The following ADAM28 variants were observed in gnomAD, a reference collection of about 807,000 sequenced individuals.
ADAM28 encodes disintegrin and metalloproteinase domain-containing protein 28.
In ADAM28, 105 loss-of-function variants were observed where a neutral mutation model predicts 101.2. That is an observed-to-expected ratio of 1.04 (90% CI 0.89 to 1.22). ADAM28 has a LOEUF of 1.22. Among genes scored for constraint, ADAM28 ranks in the 50% most tolerant of loss-of-function variants. The pLI, the probability that ADAM28 is intolerant of heterozygous loss-of-function variation, is 0.00. For missense variants in ADAM28, 1,028 were observed against 945.4 expected (o/e 1.09, Z -1.15); for synonymous variants, 322 against 310.6 (o/e 1.04, Z -0.39).
At chr8:24,351,205 T>C (rs1218364491) in intron 19 of ADAM28, 27 bp from the exon 20 acceptor site, 2 of 1,505,874 alleles carry the variant, frequency 1.3e-6, no homozygotes, top group Non-Finnish European at 8.9e-7. Flanking sequence ...GCTAAGTCAA[T>C]TGATATCATG....
chr8:24,347,623 C>A (rs1815561508), intron 18 of ADAM28, among the ~76,000 whole-genome samples: 1 of 152,030 alleles, frequency 6.6e-6, no homozygotes, highest in South Asian at 2.1e-4. Flanking sequence ...TGTTAAAATA[C>A]CCCCCACTGT....
At chr8:24,348,770 T>C (rs1371842285) in intron 18 of ADAM28, among the ~76,000 whole-genome samples, 2 of 152,192 alleles carry the variant, frequency 1.3e-5, no homozygotes, top group African/African-American at 4.8e-5. Flanking sequence ...CCATCTGTCC[T>C]GTGCCCCAAT....
rs1408842106 is a variant in ADAM28 at position 24,354,889 on chromosome 8, A to G, written c.*485A>G. ...TCTCTTTCCTAGATTAGCTTCTGAAATCATTATTAGCTATATCATTTGAGG... is the reference window on the plus strand; with the variant it reads ...TCTCTTTCCTAGATTAGCTTCTGAAGTCATTATTAGCTATATCATTTGAGG... On this transcript the variant is annotated 3_prime_UTR_variant, in exon 23 of 23. Coordinates refer to ENST00000265769, the MANE Select transcript of ADAM28 (RefSeq NM_014265.6). 1 of 152,918 alleles carries G rather than the reference A, an allele frequency of 6.5e-6. No homozygotes were observed. The highest frequency in any genetic ancestry group is 1.9e-4 in the East Asian group (1 of 5,214). 9.5% of individuals were successfully genotyped at this position (152,918 alleles called of 1,614,324 possible). A position where few individuals can be genotyped will look rare whatever the true frequency, so the allele number is the denominator to read the frequency against.
chr8:24,350,145 C>A (rs1190944959), intron 19 of ADAM28, among the ~76,000 whole-genome samples, 173 bp downstream of exon 19: 1 of 152,130 alleles, frequency 6.6e-6, no homozygotes, highest in Non-Finnish European at 1.5e-5. Context: ...ACTGAGAAAT[C>A]CTTCACATCT....
chr8:24,353,772 TAAAGACACAAA>T lies in ADAM28; in HGVS notation c.2248_2258del (p.Lys750ArgfsTer10). Reference sequence around the variant, plus strand: ...CATTGTTTTTATAATTAACGTAGCATAAAGACACAAACGCACTTCCCCCTACTGTTTTCAAG... The same window carrying T: ...CATTGTTTTTATAATTAACGTAGCATCGCACTTCCCCCTACTGTTTTCAAG... On this transcript the variant is annotated frameshift_variant, in exon 22 of 23. Coordinates refer to ENST00000265769, the MANE Select transcript of ADAM28 (RefSeq NM_014265.6). LOFTEE classifies it high-confidence loss of function. The T allele has an allele frequency of 6.7e-7, 1 of 1,502,414 alleles. No individual in the cohort carries two copies. Among genetic ancestry groups the T allele is most frequent in the Non-Finnish European group, 9.3e-7 (1 of 1,079,094 alleles). The allele number at this position is 1,502,414 out of a possible 1,614,324, so 93.1% of individuals were successfully genotyped here.
chr8:24,341,054 TC>T (rs1404912697), intron 15 of ADAM28: 1 of 152,314 alleles, frequency 6.6e-6, no homozygotes, highest in Non-Finnish European at 1.5e-5. Context: ...ACTTGGGCTT[TC>T]TTTTGGTGGA....
In ADAM28 at chr8:24,324,007, T is replaced by G. The variant is rs375052502; in HGVS notation, c.890+4T>G. 55 of 1,610,972 alleles carry G rather than the reference T, an allele frequency of 3.4e-5. No homozygotes were observed. The African/African-American group carries it at 6.0e-4, about 18-fold the overall frequency. On this transcript the variant is annotated splice_donor_region_variant and intron_variant, in intron 9 of 22. Coordinates refer to ENST00000265769, the MANE Select transcript of ADAM28 (RefSeq NM_014265.6). ...ATGATATTGCTCAGTTAATCACGTA[T>G]GTACAGATTTTCTCCCATTGCACAC...
In ADAM28 at chr8:24,294,210, C is replaced by T. The variant is rs1342959553; in HGVS notation, c.46+15C>T. 1 of 1,613,932 alleles carries T rather than the reference C, an allele frequency of 6.2e-7. No homozygotes were observed. Among genetic ancestry groups the T allele is most frequent in the Admixed American group, 1.7e-5 (1 of 60,004 alleles). ...CTCTGTTGCAGGTACATATTTAGCT[C>T]TTTTTCAGGTTCTATTGAATGCATT... On this transcript the variant is annotated intron_variant, in intron 1 of 22. Coordinates refer to ENST00000265769, the MANE Select transcript of ADAM28 (RefSeq NM_014265.6).
intron 14 of ADAM28, among the ~76,000 whole-genome samples, chr8:24,337,606 A>G (rs9693575): frequency 0.18 from 26,783 of 152,150 alleles, 2,485 homozygotes; most frequent in East Asian, 0.35. Flanking sequence ...TGATCAGGAA[A>G]TGGAGTAGAC....
intron 7 of ADAM28, 44 bp downstream of exon 7, chr8:24,320,351 C>T (rs767870276): frequency 8.0e-7 from 1 of 1,247,444 alleles, no homozygotes; most frequent in Non-Finnish European, 1.2e-6. Flanking sequence ...AACTCCCACC[C>T]ACATATATTT....
chr8:24,306,503 G>T (rs944991838), intron 2 of ADAM28, among the ~76,000 whole-genome samples: 1 of 149,924 alleles, frequency 6.7e-6, no homozygotes, highest in Non-Finnish European at 1.5e-5. Flanking sequence ...TTCCTTAGTC[G>T]CTGATCTCTA....
At chr8:24,334,085 A>G (rs1585674143) in intron 13 of ADAM28, among the ~76,000 whole-genome samples, 2 of 152,222 alleles carry the variant, frequency 1.3e-5, no homozygotes, top group East Asian at 3.8e-4. Flanking sequence ...GCAGTACTCA[A>G]AGAGTGTTTA....
intron 10 of ADAM28, 86 bp from the exon 11 acceptor site, chr8:24,329,899 G>GAT: frequency 2.3e-6 from 3 of 1,323,118 alleles, no homozygotes; most frequent in East Asian, 2.6e-5. Flanking sequence ...GAGAGAGAGA[G>GAT]AGAGAGAGAG....
chr8:24,299,569 T>C (rs368608671), intron 1 of ADAM28, among the ~76,000 whole-genome samples: 1 of 152,220 alleles, frequency 6.6e-6, no homozygotes, highest in Non-Finnish European at 1.5e-5. Context: ...TGGTTTCCAG[T>C]GCTTCAACCC....
intron 21 of ADAM28, 41 bp downstream of exon 21, chr8:24,352,093 C>T (rs546933345): frequency 1.9e-6 from 3 of 1,565,144 alleles, no homozygotes; most frequent in African/African-American, 2.7e-5. Flanking sequence ...CTAGTTCAAT[C>T]TCCAGGAAAT....
In ADAM28 at chr8:24,313,406, G is replaced by GGATC; in HGVS notation, c.403_406dup (p.Gln136ArgfsTer7). On this transcript the variant is annotated frameshift_variant, in exon 6 of 23. Coordinates refer to ENST00000265769, the MANE Select transcript of ADAM28 (RefSeq NM_014265.6). LOFTEE classifies it high-confidence loss of function. ...TTTTCAGGGGCTACTTCAGTCAGGGGGATCAAAGATACTTTATTGAACCTT... is the reference window on the plus strand; with the variant it reads ...TTTTCAGGGGCTACTTCAGTCAGGGGGATCGATCAAAGATACTTTATTGAACCTT... The GGATC allele has an allele frequency of 6.2e-7, 1 of 1,611,156 alleles. No homozygotes were observed. Among genetic ancestry groups the GGATC allele is most frequent in the Non-Finnish European group, 8.5e-7 (1 of 1,178,798 alleles).
At chr8:24,313,760 T>TC (rs1422357109) in intron 6 of ADAM28, among the ~76,000 whole-genome samples, 180 bp downstream of exon 6, 1 of 142,040 alleles carries the variant, frequency 7.0e-6, no homozygotes, top group Admixed American at 6.9e-5. Flanking sequence ...AATCAACTAT[T>TC]TTTTTTTTTT....
At chr8:24,323,652 T>C (rs752063403) in intron 8 of ADAM28, among the ~76,000 whole-genome samples, 182 bp from the exon 9 acceptor site, 17 of 152,032 alleles carry the variant, frequency 1.1e-4, no homozygotes, top group Non-Finnish European at 2.2e-4. Flanking sequence ...ATTTATCTTT[T>C]GTTTTGAATG....
intron 10 of ADAM28, 30 bp from the exon 11 acceptor site, chr8:24,329,955 G>T: frequency 6.3e-7 from 1 of 1,592,646 alleles, no homozygotes. Flanking sequence ...TCGAAAATCA[G>T]AGAATCTTTT....
Sources: gnomAD v4.1 joint callset for allele counts (sites outside exome capture counted in the v4.1 genomes callset) on GRCh38, gnomAD v4.1.1 for gene constraint, MANE v1.5 for transcripts, NCBI Gene and HGNC (gene_info 2026-07-23, HGNC 2026-07-21) for gene names.